The following NUDT9 variants were observed in gnomAD, a reference collection of about 807,000 sequenced individuals.
NUDT9 encodes nudix hydrolase 9, also known as ADP-ribose pyrophosphatase.
Under a neutral mutation model 41.0 loss-of-function variants are expected in NUDT9, and 31 were observed. That is an observed-to-expected ratio of 0.76 (90% confidence interval 0.57 to 1.02). NUDT9 has a LOEUF of 1.02. Among genes scored for constraint, NUDT9 ranks in the 50% least tolerant of loss-of-function variants. The probability of loss-of-function intolerance (pLI) is 0.00; values close to 1 mark genes in which losing one functional copy is unlikely to be tolerated. For missense variants in NUDT9, 380 were observed against 431.4 expected (o/e 0.88, Z 1.06); for synonymous variants, 146 against 147.6 (o/e 0.99, Z 0.08).
At chr4:87,439,642 T>C (rs1722109236) in intron 3 of NUDT9, among the ~76,000 whole-genome samples, 1 of 151,520 alleles carries the variant, frequency 6.6e-6, no homozygotes. Context: ...GGCAACAGAG[T>C]GAGACTCCAT....
chr4:87,449,205 A>G lies in NUDT9; in HGVS notation c.594A>G (p.Gln198=), dbSNP rs202006930. ...MHPVSGKHIL[Q]FVAIKRKDCG... ...CTGTTTCTGGGAAGCATATCTTACA[A>G]TTTGTTGCAATAAAAAGGAAAGACT... is the stretch of plus-strand genomic sequence containing the variant. The change falls in exon 5 of 8, where the codon CAA becomes CAG. Residue 198 remains glutamine (Q), a synonymous_variant. Transcript: ENST00000302174. 3.1e-6 allele frequency: 5 copies of G among 1,611,520 alleles called. No homozygotes were observed. The highest frequency in any genetic ancestry group is 4.2e-6 in the Non-Finnish European group (5 of 1,177,754).
chr4:87,449,519 C>T (rs963374181), intron 5 of NUDT9, among the ~76,000 whole-genome samples: 12 of 152,026 alleles, frequency 7.9e-5, no homozygotes, highest in East Asian at 1.9e-4. Flanking sequence ...GTGTTCTGGC[C>T]GTTCTACTTG....
At chr4:87,448,741 A>C (rs1199697462) in intron 4 of NUDT9, among the ~76,000 whole-genome samples, 1 of 152,190 alleles carries the variant, frequency 6.6e-6, no homozygotes, top group East Asian at 1.9e-4. Context: ...TGTTGGGATT[A>C]CAAGTGCGAG....
At chr4:87,454,866 G>A (rs1722918455) in intron 7 of NUDT9, among the ~76,000 whole-genome samples, 1 of 152,084 alleles carries the variant, frequency 6.6e-6, no homozygotes, top group South Asian at 2.1e-4. Context: ...AATAATCTTG[G>A]ATTGTTAATA....
chr4:87,439,813 G>A (rs1258356878), intron 3 of NUDT9, among the ~76,000 whole-genome samples: 2 of 152,174 alleles, frequency 1.3e-5, no homozygotes, highest in Admixed American at 1.3e-4. Context: ...TTTGGGTGGA[G>A]TCACAGAGCC....
rs1449421996 is a variant in NUDT9 at position 87,435,123 on chromosome 4, A to G, written c.250A>G (p.Lys84Glu). 1 of 1,614,188 alleles carries G rather than the reference A, an allele frequency of 6.2e-7. No individual in the cohort carries two copies. ...KVERSQVPNE[K>E]VGWLVEWQDY... ...TGAACGAAGCCAGGTTCCTAATGAG[A>G]AAGTGGGCTGGCTTGTTGAGTGGCA... The change falls in exon 2 of 8, where the codon AAA (lysine) becomes GAA (glutamate). Residue 84 changes from lysine (K) to glutamate (E), a missense_variant. Physicochemically the swap from Lys to Glu is moderately conservative, Grantham distance 56. Transcript: ENST00000302174.
intron 4 of NUDT9, 60 bp from the exon 5 acceptor site, chr4:87,449,082 T>G: frequency 9.6e-6 from 9 of 938,052 alleles, no homozygotes; most frequent in Non-Finnish European, 1.4e-5. Context: ...TATCTCAAGT[T>G]TGAGATAGAA....
intron 1 of NUDT9, among the ~76,000 whole-genome samples, chr4:87,424,254 G>GTTTTTTT (rs147874067): frequency 8.1e-5 from 8 of 99,180 alleles, no homozygotes; most frequent in Admixed American, 2.2e-4. Context: ...TCCCTAATGC[G>GTTTTTTT]TTTTTTTTTT....
In NUDT9 at chr4:87,447,476, G is replaced by GT. The variant is rs11310721; in HGVS notation, c.531-1652dup. On this transcript the variant is annotated intron_variant, in intron 4 of 7. Transcript: ENST00000302174. Reference sequence around the variant, plus strand: ...CTTCTTTTTTGGTTTAGCATTGGAAGTTTTTTTTTTTTTTGTTTTGTTTTG... The same window carrying GT: ...CTTCTTTTTTGGTTTAGCATTGGAAGTTTTTTTTTTTTTTTGTTTTGTTTTG... Among the ~76,000 whole-genome samples the GT allele has an allele frequency of 9.1e-3, 1,296 of 143,110 alleles. 5 individuals carry two copies. Among genetic ancestry groups the GT allele is most frequent in the African/African-American group, 0.021 (850 of 39,792 alleles). 93.9% of individuals were successfully genotyped at this position (143,110 alleles called of 152,430 possible). A position where few individuals can be genotyped will look rare whatever the true frequency, so the allele number is the denominator to read the frequency against.
intron 4 of NUDT9, among the ~76,000 whole-genome samples, chr4:87,448,714 A>C (rs1177252240): frequency 6.6e-6 from 1 of 152,134 alleles, no homozygotes; most frequent in African/African-American, 2.4e-5. Context: ...TCCTGAGCTC[A>C]AGCAATTCTC....
chr4:87,451,486 A>G (rs1722705852), intron 5 of NUDT9, 103 bp from the exon 6 acceptor site: 2 of 886,552 alleles, frequency 2.3e-6, no homozygotes, highest in African/African-American at 1.7e-5. Flanking sequence ...GATCACTATT[A>G]TAGGCAGATT....
chr4:87,456,161 C>T (rs144504555), intron 7 of NUDT9, among the ~76,000 whole-genome samples: 1 of 152,240 alleles, frequency 6.6e-6, no homozygotes, highest in East Asian at 1.9e-4. Flanking sequence ...CTGAAGCATG[C>T]CCTTCTTTCA....
intron 3 of NUDT9, among the ~76,000 whole-genome samples, chr4:87,439,941 T>C (rs1281994042): frequency 6.6e-6 from 1 of 152,196 alleles, no homozygotes; most frequent in Non-Finnish European, 1.5e-5. Context: ...ACACTTTGTA[T>C]TCTTGGTTCC....
chr4:87,435,826 CTATATA>C (rs1030765188), intron 2 of NUDT9, among the ~76,000 whole-genome samples: 3 of 151,998 alleles, frequency 2.0e-5, no homozygotes, highest in Non-Finnish European at 4.4e-5. Context: ...TGACAAGTAA[CTATATA>C]TATTTAAGGT....
chr4:87,449,016 C>A, intron 4 of NUDT9, 126 bp from the exon 5 acceptor site: 1 of 570,360 alleles, frequency 1.8e-6, no homozygotes, highest in Non-Finnish European at 3.1e-6. Flanking sequence ...ATAAAACTAG[C>A]TGATTTGAGA....
chr4:87,444,675 G>C (rs1722368287), intron 4 of NUDT9, among the ~76,000 whole-genome samples: 1 of 152,182 alleles, frequency 6.6e-6, no homozygotes. Flanking sequence ...CCAGAGTTTT[G>C]AAGGTTAGAA....
chr4:87,429,483 A>C (rs947890939), intron 1 of NUDT9, among the ~76,000 whole-genome samples: 5 of 152,084 alleles, frequency 3.3e-5, no homozygotes, highest in Non-Finnish European at 7.4e-5. Context: ...ATATATAATT[A>C]TGTAATTTGC....
chr4:87,441,811 C>A lies in NUDT9; in HGVS notation c.444-18C>A. On this transcript the variant is annotated intron_variant, in intron 3 of 7. Transcript: ENST00000302174. ...ATGAACACATTCAATTGATTTTATG[C>A]TTTTTTTGTTTTTCCAGAAATCCTG... 1 of 1,602,486 alleles carries A rather than the reference C, an allele frequency of 6.2e-7. No individual in the cohort carries two copies. The highest frequency in any genetic ancestry group is 8.5e-7 in the Non-Finnish European group (1 of 1,171,694).
intron 1 of NUDT9, among the ~76,000 whole-genome samples, chr4:87,427,826 A>C (rs1232527856): frequency 2.0e-5 from 3 of 152,150 alleles, no homozygotes; most frequent in African/African-American, 7.2e-5. Context: ...GTTCAATTAG[A>C]GATTAGGGTT....
Sources: allele counts gnomAD v4.1 joint callset (sites outside exome capture counted in the v4.1 genomes callset), GRCh38; gene constraint gnomAD v4.1.1; transcripts MANE v1.5; gene names NCBI Gene and HGNC (gene_info 2026-07-23, HGNC 2026-07-21).